F11R: variants seen among roughly 807,000 people sequenced by gnomAD.
The protein encoded by F11R is F11 receptor, also known as junctional adhesion molecule A.
A neutral mutation model predicts 39.3 loss-of-function variants in F11R; 27 were observed. That is an observed-to-expected ratio of 0.69 (90% CI 0.51 to 0.95). The LOEUF (loss-of-function observed/expected upper bound fraction) is 0.95. Among genes scored for constraint, F11R ranks in the 40% least tolerant of loss-of-function variants. F11R has a pLI of 0.00. For missense variants in F11R, 335 were observed against 372.7 expected, an observed-to-expected ratio of 0.90 and a Z score of 0.83; for synonymous variants, 131 against 144.9, an observed-to-expected ratio of 0.90 and a Z score of 0.69.
chr1:161,012,457 A>G (rs1321932150), intron 1 of F11R, among the ~76,000 whole-genome samples: 3 of 152,114 alleles, frequency 2.0e-5, no homozygotes, highest in Non-Finnish European at 4.4e-5. Context: ...CCTCAGGGAT[A>G]TCAATAACAA....
intron 7 of F11R, 34 bp downstream of exon 7, chr1:160,999,606 G>A: frequency 2.5e-6 from 4 of 1,591,166 alleles, no homozygotes; most frequent in Non-Finnish European, 2.6e-6. Context: ...GATGGGGGCA[G>A]TACAAAGGAG....
Position 160,996,042 on chromosome 1 carries a change from A to G in F11R, c.*2829T>C, listed in dbSNP as rs1648100625. On this transcript the variant is annotated 3_prime_UTR_variant, in exon 10 of 10. Coordinates refer to ENST00000368026, the MANE Select transcript of F11R (RefSeq NM_016946.6). ...GGTTATTTGCATTTAAACACAGGCC[A>G]ATGAAAAAAGCTAAATTAAAACGTA... The G allele has an allele frequency of 6.6e-6, 1 of 152,322 alleles. No homozygotes were observed. Among genetic ancestry groups the G allele is most frequent in the African/African-American group, 2.4e-5 (1 of 41,450 alleles). The allele number at this position is 152,322 out of a possible 1,614,324, so 9.4% of individuals were successfully genotyped here.
At chr1:161,006,154 G>A (rs1313458761) in intron 1 of F11R, among the ~76,000 whole-genome samples, 8 of 151,504 alleles carry the variant, frequency 5.3e-5, no homozygotes, top group African/African-American at 1.9e-4. Context: ...AAAAGGGGGG[G>A]GGCACTTCTG....
Position 160,997,464 on chromosome 1 carries a change from C to T in F11R, c.*1407G>A, listed in dbSNP as rs1648195068. ...CCCCCAAGTACAGCATCAGCTTCAC[C>T]CTGTGTACCTTCCTCCAGCAAAGGA... On this transcript the variant is annotated 3_prime_UTR_variant, in exon 10 of 10. Coordinates refer to ENST00000368026, the MANE Select transcript of F11R (RefSeq NM_016946.6). The T allele has an allele frequency of 6.6e-6, 1 of 152,380 alleles. No homozygotes were observed. Among genetic ancestry groups the T allele is most frequent in the African/African-American group, 2.4e-5 (1 of 41,428 alleles). The allele number at this position is 152,380 out of a possible 1,614,324, so 9.4% of individuals were successfully genotyped here. A position where few individuals can be genotyped will look rare whatever the true frequency, so the allele number is the denominator to read the frequency against.
intron 1 of F11R, among the ~76,000 whole-genome samples, chr1:161,012,595 A>AT (rs1318967815): frequency 1.2e-3 from 144 of 123,070 alleles, no homozygotes; most frequent in Middle Eastern, 4.0e-3. Context: ...GTTTGAATTA[A>AT]TTAATTTTAT....
At chr1:161,000,548 C>T in intron 4 of F11R, 83 bp downstream of exon 4, 2 of 1,579,934 alleles carry the variant, frequency 1.3e-6, no homozygotes, top group South Asian at 2.3e-5. Flanking sequence ...GTATTCTCAC[C>T]ATCAAAGAGC....
In F11R at chr1:161,009,746, TTG is replaced by T. The variant is rs1249689634; in HGVS notation, c.65-8395_65-8394del. On this transcript the variant is annotated intron_variant, in intron 1 of 9. Coordinates refer to ENST00000368026, the MANE Select transcript of F11R (RefSeq NM_016946.6). Reference sequence around the variant, plus strand: ...ACTTTGGGAGGCCGATGTGGGTGGATTGCTTGAGGTCAGAAGTTTAAGACCAG... The same window carrying T: ...ACTTTGGGAGGCCGATGTGGGTGGATCTTGAGGTCAGAAGTTTAAGACCAG... 3.5e-4 allele frequency among the ~76,000 whole-genome samples: 54 copies of T among 152,120 alleles called. No individual in the cohort carries two copies. In the East Asian group the frequency reaches 0.01, roughly 29 times the overall value.
chr1:161,003,443 A>G (rs2101972462), intron 1 of F11R, among the ~76,000 whole-genome samples: 1 of 152,094 alleles, frequency 6.6e-6, no homozygotes, highest in African/African-American at 2.4e-5. Flanking sequence ...TTGCATTTTT[A>G]GTAGAGATGG....
rs773521650 is a variant in F11R, at chr1:161,000,203, T to G, written c.534A>C (p.Lys178Asn). 19 of 1,614,000 alleles carry G rather than the reference T, an allele frequency of 1.2e-5. No individual in the cohort carries two copies. The Admixed American group carries it at 1.3e-4, about 11-fold the overall frequency. The stretch of plus-strand genomic sequence containing the variant: ...AAGAGTTGCTGAAGGCACGGGTGCT[T>G]TTGGGATTCGTAGGCATCACTATCC... ...KDGIVMPTNP[K>N]STRAFSNSSY... Residue 178 changes from lysine to asparagine, a missense_variant, in exon 5 of 10, where the codon AAA becomes AAC. By Grantham distance (94) the Lys-to-Asn change is moderately conservative (BLOSUM62 0). Transcript: ENST00000368026.
intron 1 of F11R, among the ~76,000 whole-genome samples, chr1:161,009,510 A>G (rs961470198): frequency 5.9e-5 from 9 of 152,166 alleles, no homozygotes; most frequent in African/African-American, 1.9e-4. Context: ...ATGAACGCCT[A>G]TAACACTGAG....
rs190880293 is a variant in F11R, at chr1:161,000,236, G to T, written c.501C>A (p.Phe167Leu). The T allele has an allele frequency of 6.2e-7, 1 of 1,614,152 alleles. No individual in the cohort carries two copies. Among genetic ancestry groups the T allele is most frequent in the South Asian group, 1.1e-5 (1 of 91,080 alleles). The change falls in exon 5 of 10, where the codon TTC becomes TTA. Residue 167 changes from phenylalanine (F) to leucine (L), a missense_variant. By Grantham distance (22) the Phe-to-Leu change is conservative. Coordinates refer to ENST00000368026, the MANE Select transcript of F11R (RefSeq NM_016946.6). ...DGSPPSEYTW[F>L]KDGIVMPTNP... ...TCGTAGGCATCACTATCCCATCTTT[G>T]AACCAGGTGTATTCAGAAGGTGGGG...
chr1:160,999,840 C>T (rs746425664), intron 6 of F11R, 36 bp downstream of exon 6: 1 of 1,610,466 alleles, frequency 6.2e-7, no homozygotes, highest in Non-Finnish European at 8.5e-7. Flanking sequence ...GACCCCAATC[C>T]CCACCCCAGG....
In F11R at chr1:161,020,893, G is replaced by C. The variant is rs957577786; in HGVS notation, c.64+117C>G. 1.2e-5 allele frequency: 11 copies of C among 892,766 alleles called. No individual in the cohort carries two copies. The Admixed American group carries it at 2.1e-4, about 17-fold the overall frequency. 55.3% of individuals were successfully genotyped at this position (892,766 alleles called of 1,614,324 possible). On this transcript the variant is annotated intron_variant, in intron 1 of 9. Coordinates refer to ENST00000368026, the MANE Select transcript of F11R (RefSeq NM_016946.6). ...CCAGGGGTGGAAAAGATAATTCGCA[G>C]AACGATATAGGAAGGTTTCTGAGCT... is the stretch of plus-strand genomic sequence containing the variant.
intron 7 of F11R, 34 bp downstream of exon 7, chr1:160,999,606 G>C (rs1648339539): frequency 6.3e-7 from 1 of 1,591,166 alleles, no homozygotes; most frequent in South Asian, 1.1e-5. Flanking sequence ...GATGGGGGCA[G>C]TACAAAGGAG....
chr1:161,004,700 G>A (rs1342385136), intron 1 of F11R, among the ~76,000 whole-genome samples: 1 of 151,836 alleles, frequency 6.6e-6, no homozygotes, highest in Non-Finnish European at 1.5e-5. Context: ...CTGGGTGACA[G>A]AGCAAGACCC....
At chr1:161,009,985 T>C (rs770058757) in intron 1 of F11R, among the ~76,000 whole-genome samples, 1 of 151,880 alleles carries the variant, frequency 6.6e-6, no homozygotes, top group African/African-American at 2.4e-5. Flanking sequence ...GGTCTTATGA[T>C]TGACAATGGC....
At chr1:161,001,733 G>A (rs533146931) in intron 1 of F11R, among the ~76,000 whole-genome samples, 10 of 152,182 alleles carry the variant, frequency 6.6e-5, no homozygotes, top group Non-Finnish European at 1.3e-4. Context: ...GGACAATCCT[G>A]GAAGGAAGCC....
intron 1 of F11R, among the ~76,000 whole-genome samples, chr1:161,008,277 C>T (rs897525763): frequency 7.9e-5 from 12 of 152,158 alleles, no homozygotes; most frequent in African/African-American, 2.9e-4. Context: ...AGGCGGATCT[C>T]GAGATCAGGA....
At chr1:161,007,198 G>T (rs1261665236) in intron 1 of F11R, among the ~76,000 whole-genome samples, 3 of 150,006 alleles carry the variant, frequency 2.0e-5, no homozygotes, top group Non-Finnish European at 4.4e-5. Context: ...GGGCGCAGTG[G>T]CTCATGCCTG....
Sources: gnomAD v4.1 joint callset for allele counts (sites outside exome capture counted in the v4.1 genomes callset) on GRCh38, gnomAD v4.1.1 for gene constraint, MANE v1.5 for transcripts, NCBI Gene and HGNC (gene_info 2026-07-23, HGNC 2026-07-21) for gene names.